FTCDNL1: variants seen among roughly 807,000 people sequenced by gnomAD.
FTCDNL1 encodes formiminotransferase N-terminal subdomain-containing protein.
Under a neutral mutation model 5.9 loss-of-function variants are expected in FTCDNL1, and 11 were observed. The observed-to-expected ratio is 1.87, with a 90% CI of 1.18 to 3.10. The LOEUF (loss-of-function observed/expected upper bound fraction) is 3.10, where lower values mean the gene tolerates loss of function less well. Among genes scored for constraint, FTCDNL1 ranks in the 30% most tolerant of loss-of-function variants. The pLI is 0.00. For synonymous variants in FTCDNL1, 58 were observed against 24.8 expected, an observed-to-expected ratio of 2.34 and a Z score of -3.99; for missense variants, 115 against 65.5, an observed-to-expected ratio of 1.76 and a Z score of -2.61.
chr2:199,835,324 T>G (rs138834471), intron 3 of FTCDNL1, among the ~76,000 whole-genome samples: 1 of 152,336 alleles, frequency 6.6e-6, no homozygotes, highest in East Asian at 1.9e-4. Flanking sequence ...TCTCAAAATA[T>G]TATCTTACTA....
chr2:199,703,539 A>G, the FTCDNL1 span, among the ~76,000 whole-genome samples: 1 of 152,192 alleles, frequency 6.6e-6, no homozygotes, highest in African/African-American at 2.4e-5. Context: ...TTTTAAAGCC[A>G]TATGTCTTGT....
At chr2:199,750,937 A>G in the FTCDNL1 span, among the ~76,000 whole-genome samples, 1 of 152,240 alleles carries the variant, frequency 6.6e-6, no homozygotes, top group Non-Finnish European at 1.5e-5. Context: ...ATCTTAAAGC[A>G]ATAATTGTTC....
At chr2:199,779,766 C>T (rs1699269293) in intron 3 of FTCDNL1, among the ~76,000 whole-genome samples, 1 of 152,174 alleles carries the variant, frequency 6.6e-6, no homozygotes, top group African/African-American at 2.4e-5. Flanking sequence ...GTGACATCAG[C>T]CTCCAGCAAA....
Position 199,828,599 on chromosome 2 carries a change from G to C in FTCDNL1, c.212-8842C>G, listed in dbSNP as rs561433511. ...TTCATATTTGTGTCCTCCCTCTCCG[G>C]GAATTCATTTCTCCCATTCTTGTGT... On this transcript the variant is annotated intron_variant, in intron 3 of 4. Transcript: ENST00000420128. Among the ~76,000 whole-genome samples the C allele has an allele frequency of 1.2e-4, 19 of 152,144 alleles. No individual in the cohort carries two copies. The South Asian group carries it at 3.1e-3, about 25-fold the overall frequency.
chr2:199,821,989 A>T (rs1247822471), intron 3 of FTCDNL1, among the ~76,000 whole-genome samples: 1 of 152,250 alleles, frequency 6.6e-6, no homozygotes, highest in Admixed American at 6.5e-5. Context: ...CAATAAAGCA[A>T]GTCACATAAA....
the FTCDNL1 span, among the ~76,000 whole-genome samples, chr2:199,752,880 T>C: frequency 6.6e-6 from 1 of 151,228 alleles, no homozygotes; most frequent in Non-Finnish European, 1.5e-5. Flanking sequence ...GAGAAGTATA[T>C]GAGATATGAA....
At chr2:199,666,175 T>G in the FTCDNL1 span, among the ~76,000 whole-genome samples, 1 of 152,220 alleles carries the variant, frequency 6.6e-6, no homozygotes, top group Non-Finnish European at 1.5e-5. Context: ...AGACAGTGTT[T>G]GCATATAACA....
chr2:199,836,412 TCCTCCCACCTTGG>T (rs1702745151), intron 3 of FTCDNL1, among the ~76,000 whole-genome samples: 1 of 151,582 alleles, frequency 6.6e-6, no homozygotes. Context: ...GCTCAAACAA[TCCTCCCACCTTGG>T]CCTCCCAAAG....
At chr2:199,781,109 A>G (rs929703033) in intron 3 of FTCDNL1, among the ~76,000 whole-genome samples, 2 of 152,124 alleles carry the variant, frequency 1.3e-5, no homozygotes, top group Admixed American at 6.5e-5. Context: ...AGGCTCTCTT[A>G]CTTCATGTCC....
chr2:199,678,945 T>C, the FTCDNL1 span, among the ~76,000 whole-genome samples: 2 of 152,162 alleles, frequency 1.3e-5, no homozygotes, highest in Non-Finnish European at 1.5e-5. Context: ...AGAAGTGGAA[T>C]TTTTGAATGA....
the FTCDNL1 span, among the ~76,000 whole-genome samples, chr2:199,747,529 C>T: frequency 8.0e-6 from 1 of 124,426 alleles, no homozygotes; most frequent in African/African-American, 3.0e-5. Context: ...AACCCACCCC[C>T]CTCCCAATCA....
the FTCDNL1 span, among the ~76,000 whole-genome samples, chr2:199,708,212 T>C: frequency 6.6e-6 from 1 of 152,144 alleles, no homozygotes; most frequent in Admixed American, 6.6e-5. Flanking sequence ...CTGCCAATAA[T>C]GCCATCCAGA....
intron 3 of FTCDNL1, among the ~76,000 whole-genome samples, chr2:199,775,759 A>G (rs192838947): frequency 2.0e-3 from 301 of 152,276 alleles, no homozygotes; most frequent in African/African-American, 6.6e-3. Context: ...TGAAATGAGT[A>G]CCTCTTGAGG....
At chr2:199,697,518 T>C in the FTCDNL1 span, among the ~76,000 whole-genome samples, 55 of 152,216 alleles carry the variant, frequency 3.6e-4, no homozygotes, top group South Asian at 0.01. Flanking sequence ...GAATTTCATA[T>C]CCAGCCAAAC....
At chr2:199,823,724 GT>G (rs1431346118) in intron 3 of FTCDNL1, among the ~76,000 whole-genome samples, 1 of 152,174 alleles carries the variant, frequency 6.6e-6, no homozygotes, top group Non-Finnish European at 1.5e-5. Context: ...AGGCTTTGTT[GT>G]TGCATTTATA....
chr2:199,719,252 G>T, the FTCDNL1 span, among the ~76,000 whole-genome samples: 1 of 151,918 alleles, frequency 6.6e-6, no homozygotes, highest in East Asian at 1.9e-4. Flanking sequence ...TCATTCTTCT[G>T]CATATGGCAA....
rs1031342633 is a variant in FTCDNL1 at position 199,844,646 on chromosome 2, T to C, written c.211+1429A>G. 8.1e-5 allele frequency: 34 copies of C among 420,168 alleles called. No individual in the cohort carries two copies. The Middle Eastern group carries it at 1.5e-3, about 18-fold the overall frequency. The allele number at this position is 420,168 out of a possible 1,614,324, so 26.0% of individuals were successfully genotyped here. A position where few individuals can be genotyped will look rare whatever the true frequency, so the allele number is the denominator to read the frequency against. Reference sequence around the variant, plus strand: ...TTTCTTCTGTAATCTGTGTAGAAGATTTTTTGTCCAAAATAATGAAAAATA... The same window carrying C: ...TTTCTTCTGTAATCTGTGTAGAAGACTTTTTGTCCAAAATAATGAAAAATA... On this transcript the variant is annotated intron_variant, in intron 3 of 4. Transcript: ENST00000420128.
intron 3 of FTCDNL1, among the ~76,000 whole-genome samples, chr2:199,787,300 A>T (rs1699705633): frequency 1.3e-5 from 2 of 151,854 alleles, no homozygotes; most frequent in African/African-American, 4.8e-5. Context: ...CTCCTGACTC[A>T]GCTTCCTGAG....
intron 3 of FTCDNL1, among the ~76,000 whole-genome samples, chr2:199,842,145 A>C (rs2076606755): frequency 6.6e-6 from 1 of 151,914 alleles, no homozygotes; most frequent in Non-Finnish European, 1.5e-5. Flanking sequence ...GTGCACACCT[A>C]TAGTCCCAGC....
Sources: allele counts gnomAD v4.1 joint callset (sites outside exome capture counted in the v4.1 genomes callset), GRCh38; gene constraint gnomAD v4.1.1; transcripts MANE v1.5; gene names NCBI Gene and HGNC (gene_info 2026-07-23, HGNC 2026-07-21).